GAB2: variants seen among roughly 807,000 people sequenced by gnomAD.
GAB2 encodes GRB2 associated binding protein 2, also known as GRB2-associated-binding protein 2.
Under a neutral mutation model 65.5 loss-of-function variants are expected in GAB2, and 26 were observed. The observed-to-expected ratio is 0.40, with a 90% CI of 0.29 to 0.55. The LOEUF (loss-of-function observed/expected upper bound fraction) is 0.55. Among genes scored for constraint, GAB2 ranks in the 20% least tolerant of loss-of-function variants. The probability of loss-of-function intolerance (pLI) is 0.53; values close to 1 mark genes in which losing one functional copy is unlikely to be tolerated. For missense variants in GAB2, 884 were observed against 875.8 expected (o/e 1.01, Z -0.12); for synonymous variants, 321 against 329.6 (o/e 0.97, Z 0.28).
intron 1 of GAB2, among the ~76,000 whole-genome samples, chr11:78,412,397 TA>T (rs1565189841): frequency 6.6e-6 from 1 of 151,936 alleles, no homozygotes; most frequent in Non-Finnish European, 1.5e-5. Flanking sequence ...TTATGCTGAA[TA>T]AAAAAAAGTT....
At chr11:78,279,682 T>G (rs1866277920) in intron 2 of GAB2, among the ~76,000 whole-genome samples, 1 of 152,190 alleles carries the variant, frequency 6.6e-6, no homozygotes, top group Non-Finnish European at 1.5e-5. Flanking sequence ...CTCTGAGCCT[T>G]CATACAAACG....
At chr11:78,260,453 G>T (rs1029547755) in intron 2 of GAB2, among the ~76,000 whole-genome samples, 2 of 151,878 alleles carry the variant, frequency 1.3e-5, no homozygotes, top group Non-Finnish European at 2.9e-5. Flanking sequence ...TCCCTAGTTA[G>T]AATTAATCAT....
chr11:78,376,750 GA>G (rs1856636047), intron 1 of GAB2, among the ~76,000 whole-genome samples: 1 of 152,140 alleles, frequency 6.6e-6, no homozygotes, highest in Non-Finnish European at 1.5e-5. Context: ...TGTGACTAGG[GA>G]AGTGTCTTAA....
chr11:78,284,068 C>T (rs1441588320), intron 1 of GAB2, among the ~76,000 whole-genome samples: 1 of 152,164 alleles, frequency 6.6e-6, no homozygotes, highest in East Asian at 1.9e-4. Flanking sequence ...TCTCCCAGAT[C>T]TGTTCTTCCT....
In GAB2 at chr11:78,262,435, G is replaced by A. The variant is rs182246038; in HGVS notation, c.377-12035C>T. On this transcript the variant is annotated intron_variant, in intron 2 of 9. Coordinates refer to ENST00000361507, the MANE Select transcript of GAB2 (RefSeq NM_080491.3). ...GGCCCTCAGCACTGCACTGTGGGAG[G>A]TAACCTGGTGAGGGAAAAGATCTTG... is the stretch of plus-strand genomic sequence containing the variant. Among the ~76,000 whole-genome samples the A allele has an allele frequency of 2.0e-5, 3 of 152,356 alleles. No individual in the cohort carries two copies. In the East Asian group the frequency reaches 5.8e-4, roughly 29 times the overall value.
At chr11:78,223,375 C>A in intron 6 of GAB2, 37 bp downstream of exon 6, 1 of 1,452,942 alleles carries the variant, frequency 6.9e-7, no homozygotes, top group African/African-American at 1.4e-5. Context: ...TCCCTAGCCA[C>A]TGTCCAGAGA....
At chr11:78,320,075 T>C (rs963275348) in intron 1 of GAB2, among the ~76,000 whole-genome samples, 2 of 152,214 alleles carry the variant, frequency 1.3e-5, no homozygotes, top group Admixed American at 6.5e-5. Flanking sequence ...GGTTTCGCCA[T>C]GTTGGCCAGG....
At chr11:78,372,564 G>C (rs1267610285) in intron 1 of GAB2, among the ~76,000 whole-genome samples, 7 of 152,132 alleles carry the variant, frequency 4.6e-5, no homozygotes, top group African/African-American at 1.7e-4. Flanking sequence ...CAGAAAAACT[G>C]CTGAGCAAGG....
intron 1 of GAB2, among the ~76,000 whole-genome samples, chr11:78,319,208 T>G (rs1855675789): frequency 6.6e-6 from 1 of 152,174 alleles, no homozygotes; most frequent in South Asian, 2.1e-4. Flanking sequence ...TTCCTCCATT[T>G]TTTCCTCCAT....
chr11:78,327,517 A>G (rs1238956652), intron 1 of GAB2, among the ~76,000 whole-genome samples: 1 of 152,254 alleles, frequency 6.6e-6, no homozygotes, highest in African/African-American at 2.4e-5. Context: ...TGGAGAAGGC[A>G]TCATTAAAGT....
At chr11:78,346,243 G>C (rs1332263109) in intron 1 of GAB2, among the ~76,000 whole-genome samples, 2 of 152,060 alleles carry the variant, frequency 1.3e-5, no homozygotes, top group East Asian at 1.9e-4. Context: ...ATCTGTTAAG[G>C]CACCTTAAAT....
At chr11:78,268,552 G>C (rs1261661545) in intron 2 of GAB2, among the ~76,000 whole-genome samples, 2 of 152,096 alleles carry the variant, frequency 1.3e-5, no homozygotes, top group African/African-American at 4.8e-5. Flanking sequence ...ATAGGGATAA[G>C]CAGAAGCACT....
chr11:78,415,001 A>G (rs919763509), intron 1 of GAB2, among the ~76,000 whole-genome samples: 20 of 152,104 alleles, frequency 1.3e-4, no homozygotes, highest in African/African-American at 4.8e-4. Context: ...CCTCCTGAGT[A>G]GCTGGGACTA....
intron 2 of GAB2, among the ~76,000 whole-genome samples, chr11:78,257,261 G>C (rs1466400072): frequency 2.0e-5 from 3 of 152,104 alleles, no homozygotes; most frequent in African/African-American, 7.2e-5. Flanking sequence ...AAAGATGACT[G>C]GCCAAATAAT....
chr11:78,332,520 T>C (rs903749327), intron 1 of GAB2, among the ~76,000 whole-genome samples: 3 of 152,184 alleles, frequency 2.0e-5, no homozygotes, highest in Non-Finnish European at 1.5e-5. Flanking sequence ...TACACACATA[T>C]CCTGACTCAA....
intron 1 of GAB2, among the ~76,000 whole-genome samples, chr11:78,404,517 T>C (rs1440127413): frequency 6.6e-6 from 1 of 152,222 alleles, no homozygotes; most frequent in South Asian, 2.1e-4. Context: ...ACTACACCTC[T>C]TGGTAACAGA....
At chr11:78,331,572 A>G (rs1855914852) in intron 1 of GAB2, among the ~76,000 whole-genome samples, 1 of 152,190 alleles carries the variant, frequency 6.6e-6, no homozygotes, top group Admixed American at 6.5e-5. Flanking sequence ...AAGGGATAAC[A>G]AATCCAGAAT....
At chr11:78,370,238 C>A (rs978938441) in intron 1 of GAB2, among the ~76,000 whole-genome samples, 2 of 118,054 alleles carry the variant, frequency 1.7e-5, no homozygotes, top group African/African-American at 3.4e-5. Context: ...GCCTGGGCGA[C>A]AGAGCGAGAC....
intron 3 of GAB2, among the ~76,000 whole-genome samples, chr11:78,238,898 A>G (rs915342448): frequency 1.3e-4 from 20 of 152,204 alleles, no homozygotes; most frequent in Non-Finnish European, 2.9e-4. Flanking sequence ...TAATATAGGT[A>G]AACTCCAACA....
Sources: allele counts gnomAD v4.1 joint callset (sites outside exome capture counted in the v4.1 genomes callset), GRCh38; gene constraint gnomAD v4.1.1; transcripts MANE v1.5; gene names NCBI Gene and HGNC (gene_info 2026-07-23, HGNC 2026-07-21).